ACACA: variants seen among roughly 807,000 people sequenced by gnomAD.
The protein encoded by ACACA is acetyl-CoA carboxylase alpha.
In ACACA, 103 loss-of-function variants were observed where a neutral mutation model predicts 296.1. The ratio of observed to expected loss-of-function variants is 0.35; its 90% CI spans 0.30 to 0.41. The LOEUF (loss-of-function observed/expected upper bound fraction) is 0.41. ACACA is among the 10% of genes least tolerant of loss of function. ACACA has a pLI of 1.00. For synonymous variants in ACACA, 953 were observed against 1,038.6 expected (o/e 0.92, Z 1.58); for missense variants, 1,554 against 2,989.7 (o/e 0.52, Z 11.20).
intron 2 of ACACA, among the ~76,000 whole-genome samples, chr17:37,333,176 A>C (rs2047963111): frequency 6.6e-6 from 1 of 152,046 alleles, no homozygotes; most frequent in Non-Finnish European, 1.5e-5. Context: ...ATATATACAG[A>C]CTCTAAGTAT....
At chr17:37,096,892 C>T (rs2073026114) in intron 54 of ACACA, 104 bp downstream of exon 54, 2 of 1,365,892 alleles carry the variant, frequency 1.5e-6, no homozygotes, top group Non-Finnish European at 2.1e-6. Context: ...TTCCCTTCTA[C>T]TCCTGCCCTT....
At chr17:37,145,605 A>C (rs2075776475) in intron 45 of ACACA, among the ~76,000 whole-genome samples, 1 of 152,210 alleles carries the variant, frequency 6.6e-6, no homozygotes, top group Non-Finnish European at 1.5e-5. Flanking sequence ...TAGGGACATG[A>C]AAGTTCATGT....
At chr17:37,233,699 AC>A (rs1025548246) in intron 25 of ACACA, among the ~76,000 whole-genome samples, 34 of 152,192 alleles carry the variant, frequency 2.2e-4, no homozygotes, top group African/African-American at 4.8e-4. Context: ...ATTAAAAAAA[AC>A]ATCTAAATAG....
rs2083698173 is a variant in ACACA, at chr17:37,302,917, T to C, written c.339-17947A>G. On this transcript the variant is annotated intron_variant, in intron 3 of 55. Coordinates refer to ENST00000616317, the MANE Select transcript of ACACA (RefSeq NM_198834.3). ...AGTTTTTAGTATATTCACATAGTTA[T>C]GAACTATCATCACAATAAATTTAAG... is the stretch of plus-strand genomic sequence containing the variant. 3.9e-5 allele frequency among the ~76,000 whole-genome samples: 6 copies of C among 152,206 alleles called. No homozygotes were observed. The South Asian group carries it at 1.2e-3, about 32-fold the overall frequency.
intron 42 of ACACA, among the ~76,000 whole-genome samples, chr17:37,157,634 A>AT (rs2076305085): frequency 7.0e-6 from 1 of 143,286 alleles, no homozygotes; most frequent in South Asian, 2.1e-4. Context: ...CTCCTGGGCT[A>AT]AAGTAATTCT....
chr17:37,177,894 C>A (rs1262070074), intron 41 of ACACA, among the ~76,000 whole-genome samples: 2 of 152,180 alleles, frequency 1.3e-5, no homozygotes, highest in Non-Finnish European at 2.9e-5. Flanking sequence ...CATCTTGATA[C>A]CAAATCATCT....
At chr17:37,380,453 T>G (rs189954423) in intron 1 of ACACA, among the ~76,000 whole-genome samples, 1 of 151,826 alleles carries the variant, frequency 6.6e-6, no homozygotes, top group Admixed American at 6.6e-5. Context: ...AGAAAATGAA[T>G]TATCCTCCCC....
intron 14 of ACACA, among the ~76,000 whole-genome samples, chr17:37,256,036 C>T (rs553201765): frequency 1.2e-4 from 19 of 152,172 alleles, no homozygotes; most frequent in Non-Finnish European, 2.2e-4. Context: ...TGTGAGCCAC[C>T]GTGCCCAGGC....
chr17:37,384,377 A>G (rs558667886), intron 1 of ACACA, among the ~76,000 whole-genome samples: 1 of 152,322 alleles, frequency 6.6e-6, no homozygotes, highest in East Asian at 1.9e-4. Flanking sequence ...ATATTTCAAA[A>G]TTTCCTTCTG....
chr17:37,260,732 C>CAAGAAAAGAAAGGAA (rs1029048272), intron 11 of ACACA, among the ~76,000 whole-genome samples: 1 of 150,698 alleles, frequency 6.6e-6, no homozygotes, highest in African/African-American at 2.4e-5. Flanking sequence ...CTAAGAACAC[C>CAAGAAAAGAAAGGAA]AAGAAAAGAA....
At chr17:37,185,975 T>C (rs963375415) in intron 39 of ACACA, among the ~76,000 whole-genome samples, 4 of 152,234 alleles carry the variant, frequency 2.6e-5, no homozygotes, top group Non-Finnish European at 4.4e-5. Flanking sequence ...TCAGTGTTCA[T>C]TACAGCCTAT....
intron 46 of ACACA, among the ~76,000 whole-genome samples, chr17:37,129,695 G>A (rs572289259): frequency 6.6e-6 from 1 of 152,324 alleles, no homozygotes; most frequent in Non-Finnish European, 1.5e-5. Flanking sequence ...CTGGCACAAA[G>A]TGGTGTGTTT....
At chr17:37,325,283 T>C (rs1291216481) in intron 3 of ACACA, among the ~76,000 whole-genome samples, 1 of 151,344 alleles carries the variant, frequency 6.6e-6, no homozygotes, top group Non-Finnish European at 1.5e-5. Flanking sequence ...GGAGAATTGC[T>C]TGAAACCAGG....
In ACACA at chr17:37,172,384, G is replaced by A. The variant is rs544418524; in HGVS notation, c.5079+6876C>T. 6.4e-4 allele frequency among the ~76,000 whole-genome samples: 97 copies of A among 152,252 alleles called. 1 individual carries two copies. Among genetic ancestry groups the A allele is most frequent in the African/African-American group, 2.3e-3 (95 of 41,542 alleles). The stretch of plus-strand genomic sequence containing the variant: ...ATAATAGTCATTCAGAAGGAATTCT[G>A]AGAAAAGTATATACATCCCAAAAGA... On this transcript the variant is annotated intron_variant, in intron 41 of 55. Coordinates refer to ENST00000616317, the MANE Select transcript of ACACA (RefSeq NM_198834.3).
intron 1 of ACACA, among the ~76,000 whole-genome samples, chr17:37,396,720 G>T (rs1481035928): frequency 1.3e-5 from 2 of 152,158 alleles, no homozygotes; most frequent in African/African-American, 4.8e-5. Context: ...AAGGCCAGAA[G>T]AAATCTTTTT....
At chr17:37,112,687 G>A (rs1315927598) in intron 51 of ACACA, among the ~76,000 whole-genome samples, 1 of 152,212 alleles carries the variant, frequency 6.6e-6, no homozygotes, top group African/African-American at 2.4e-5. Context: ...CTGAATCTGG[G>A]GGGACAAGAG....
At chr17:37,374,759 C>T (rs979700964) in intron 1 of ACACA, among the ~76,000 whole-genome samples, 3 of 152,218 alleles carry the variant, frequency 2.0e-5, no homozygotes, top group Non-Finnish European at 4.4e-5. Context: ...AGCTCTTCCT[C>T]ACAACCTCTC....
chr17:37,380,432 A>G (rs779499884), intron 1 of ACACA, among the ~76,000 whole-genome samples: 199 of 152,146 alleles, frequency 1.3e-3, no homozygotes, highest in Middle Eastern at 3.4e-3. Flanking sequence ...TAATAATAAA[A>G]GAAAAAAAAA....
chr17:37,369,830 C>T (rs2049737279), intron 1 of ACACA, among the ~76,000 whole-genome samples: 1 of 151,544 alleles, frequency 6.6e-6, no homozygotes, highest in South Asian at 2.1e-4. Context: ...CTCAGCTTCC[C>T]GAGTAGCTGA....
Sources: allele counts gnomAD v4.1 joint callset (sites outside exome capture counted in the v4.1 genomes callset), GRCh38; gene constraint gnomAD v4.1.1; transcripts MANE v1.5; gene names NCBI Gene and HGNC (gene_info 2026-07-23, HGNC 2026-07-21).